PTPRM: variants seen among roughly 807,000 people sequenced by gnomAD.
PTPRM encodes the protein receptor-type tyrosine-protein phosphatase mu.
A neutral mutation model predicts 186.7 loss-of-function variants in PTPRM; 47 were observed. The observed-to-expected ratio is 0.25, with a 90% CI of 0.20 to 0.32. The LOEUF (loss-of-function observed/expected upper bound fraction) is 0.32, where lower values mean the gene tolerates loss of function less well. Ranked by LOEUF, PTPRM falls within the 10% of genes least tolerant of loss-of-function variation. The pLI is 1.00. For missense variants in PTPRM, 1,494 were observed against 1,865.0 expected (o/e 0.80, Z 3.66); for synonymous variants, 668 against 674.9 (o/e 0.99, Z 0.16).
intron 13 of PTPRM, among the ~76,000 whole-genome samples, chr18:8,136,059 A>T (rs1044894240): frequency 1.3e-5 from 2 of 152,172 alleles, no homozygotes; most frequent in African/African-American, 4.8e-5. Context: ...TAAAATACAA[A>T]TCTGGAAGAA....
intron 2 of PTPRM, among the ~76,000 whole-genome samples, chr18:7,830,092 A>G (rs1459852606): frequency 6.6e-6 from 1 of 152,230 alleles, no homozygotes; most frequent in Non-Finnish European, 1.5e-5. Flanking sequence ...TTGTTTTGGT[A>G]AATTTAATAT....
At chr18:7,745,516 C>T (rs886125479) in intron 1 of PTPRM, among the ~76,000 whole-genome samples, 5 of 152,172 alleles carry the variant, frequency 3.3e-5, no homozygotes, top group Non-Finnish European at 7.3e-5. Flanking sequence ...GAGGTAAATA[C>T]CTCAGGCTTT....
At chr18:8,406,008 G>C in intron 32 of PTPRM, 101 bp from the exon 33 acceptor site, 1 of 1,022,562 alleles carries the variant, frequency 9.8e-7, no homozygotes, top group Non-Finnish European at 1.6e-6. Context: ...AATCCTCCCA[G>C]ATTGATGTCT....
intron 2 of PTPRM, among the ~76,000 whole-genome samples, chr18:7,839,689 G>A (rs2046227735): frequency 6.6e-6 from 1 of 152,156 alleles, no homozygotes; most frequent in Non-Finnish European, 1.5e-5. Context: ...TTCTTTAGCT[G>A]CCCTTGGGGA....
chr18:8,140,443 TTTTG>T (rs35892467), intron 13 of PTPRM, among the ~76,000 whole-genome samples: 133,345 of 143,654 alleles, frequency 0.93, 61,673 homozygotes, highest in East Asian at 1. Flanking sequence ...TTTTGAGTTT[TTTTG>T]TTTGTTTGTT....
chr18:7,982,481 A>G (rs747828277), intron 7 of PTPRM, among the ~76,000 whole-genome samples: 5 of 148,322 alleles, frequency 3.4e-5, no homozygotes, highest in African/African-American at 1.0e-4. Flanking sequence ...TCTGCTGTCT[A>G]CCTCCTGAAG....
chr18:8,091,212 C>T (rs1165450434), intron 11 of PTPRM, among the ~76,000 whole-genome samples: 1 of 152,118 alleles, frequency 6.6e-6, no homozygotes, highest in Non-Finnish European at 1.5e-5. Flanking sequence ...CATTTCATCA[C>T]TTTGTATTGC....
At chr18:7,591,190 G>A (rs2037117026) in intron 1 of PTPRM, among the ~76,000 whole-genome samples, 1 of 152,204 alleles carries the variant, frequency 6.6e-6, no homozygotes, top group Admixed American at 6.5e-5. Flanking sequence ...AAAACAGATT[G>A]TATCCTTAGC....
chr18:8,167,129 A>G (rs892803757), intron 14 of PTPRM, among the ~76,000 whole-genome samples: 3 of 152,242 alleles, frequency 2.0e-5, no homozygotes, highest in Admixed American at 6.5e-5. Context: ...CTCCTTTAGC[A>G]TATGAAGCAT....
At chr18:7,788,100 T>C (rs1031259887) in intron 2 of PTPRM, among the ~76,000 whole-genome samples, 1 of 152,166 alleles carries the variant, frequency 6.6e-6, no homozygotes, top group Non-Finnish European at 1.5e-5. Context: ...CTCGATAAGT[T>C]ACAGTTACAG....
At chr18:7,578,134 G>A (rs2036738219) in intron 1 of PTPRM, among the ~76,000 whole-genome samples, 1 of 151,874 alleles carries the variant, frequency 6.6e-6, no homozygotes, top group African/African-American at 2.4e-5. Context: ...ATACCCTGCA[G>A]GATGATGATG....
intron 1 of PTPRM, among the ~76,000 whole-genome samples, chr18:7,695,881 A>G (rs1033487959): frequency 6.6e-6 from 1 of 152,264 alleles, no homozygotes; most frequent in African/African-American, 2.4e-5. Context: ...ATTTAAAGAT[A>G]AATGGGCTAA....
At position 7,774,396 on chromosome 18, in the gene PTPRM, G is replaced by C. The variant is rs969624144; in HGVS notation, c.196+125G>C. On this transcript the variant is annotated intron_variant, in intron 2 of 32. Transcript: ENST00000580170. ...TCTTTGGATGTGGCAGTCAAAGTTG[G>C]ATTAGCTAGTGAGAGTGGTGCAATT... 5 of 1,209,518 alleles carry C rather than the reference G, an allele frequency of 4.1e-6. No individual in the cohort carries two copies. In the African/African-American group the frequency reaches 7.6e-5, roughly 18 times the overall value. The allele number at this position is 1,209,518 out of a possible 1,614,324, so 74.9% of individuals were successfully genotyped here. A position where few individuals can be genotyped will look rare whatever the true frequency, so the allele number is the denominator to read the frequency against.
At chr18:7,875,215 A>G (rs953007325) in intron 2 of PTPRM, among the ~76,000 whole-genome samples, 1 of 152,092 alleles carries the variant, frequency 6.6e-6, no homozygotes, top group Non-Finnish European at 1.5e-5. Flanking sequence ...AAAAAAAGAA[A>G]TTCTTTACAA....
chr18:7,928,117 T>G (rs2051280563), intron 5 of PTPRM, among the ~76,000 whole-genome samples: 1 of 152,112 alleles, frequency 6.6e-6, no homozygotes, highest in Non-Finnish European at 1.5e-5. Context: ...TAATCAGCAA[T>G]GCATTGTCAG....
At chr18:8,386,947 G>C (rs1156711209) in intron 30 of PTPRM, 125 bp from the exon 31 acceptor site, 1 of 1,015,832 alleles carries the variant, frequency 9.8e-7, no homozygotes, top group African/African-American at 1.6e-5. Context: ...AGCCACGTTG[G>C]TAATTTGTAG....
rs561674625 is a variant in PTPRM at position 8,284,305 on chromosome 18, G to A, written c.2755-12063G>A. On this transcript the variant is annotated intron_variant, in intron 19 of 32. Transcript: ENST00000580170. ...GTTCTAAATAAAAAAATTGAACCACGTGCCCCTAAGGTTTTAATCTAATAT... is the reference window on the plus strand; with the variant it reads ...GTTCTAAATAAAAAAATTGAACCACATGCCCCTAAGGTTTTAATCTAATAT... 7.2e-5 allele frequency among the ~76,000 whole-genome samples: 11 copies of A among 152,170 alleles called. No individual in the cohort carries two copies. The South Asian group carries it at 2.3e-3, about 32-fold the overall frequency.
chr18:8,322,985 G>A (rs970240077), intron 22 of PTPRM, among the ~76,000 whole-genome samples: 146 of 152,026 alleles, frequency 9.6e-4, no homozygotes, highest in African/African-American at 3.5e-3. Flanking sequence ...CCTGACTAAT[G>A]TATTTTATTT....
chr18:8,202,657 G>T (rs2093874044), intron 14 of PTPRM, among the ~76,000 whole-genome samples: 1 of 151,676 alleles, frequency 6.6e-6, no homozygotes. Context: ...CCATACTACT[G>T]ATAATTCTTG....
Sources: allele counts gnomAD v4.1 joint callset (sites outside exome capture counted in the v4.1 genomes callset), GRCh38; gene constraint gnomAD v4.1.1; transcripts MANE v1.5; gene names NCBI Gene and HGNC (gene_info 2026-07-23, HGNC 2026-07-21).